The following OTUD7A variants were observed in gnomAD, a reference collection of about 807,000 sequenced individuals.
OTUD7A encodes OTU domain-containing protein 7A.
OTUD7A carries 12 observed loss-of-function variants against 65.7 expected under a neutral mutation model. The ratio of observed to expected loss-of-function variants is 0.18; its 90% confidence interval spans 0.12 to 0.30. The LOEUF (loss-of-function observed/expected upper bound fraction) is 0.30. Among genes scored for constraint, OTUD7A ranks in the 10% least tolerant of loss-of-function variants. The pLI is 1.00. For missense variants in OTUD7A, 1,148 were observed against 1,304.8 expected (o/e 0.88, Z 1.85); for synonymous variants, 641 against 586.3 (o/e 1.09, Z -1.35).
chr15:31,847,006 T>C (rs1007039754), intron 1 of OTUD7A, among the ~76,000 whole-genome samples: 6 of 152,134 alleles, frequency 3.9e-5, no homozygotes, highest in African/African-American at 1.4e-4. Context: ...TGTTCCCTGC[T>C]AGGCAGGGCA....
intron 1 of OTUD7A, among the ~76,000 whole-genome samples, chr15:31,812,081 C>T (rs1043040558): frequency 1.3e-5 from 2 of 152,212 alleles, no homozygotes; most frequent in Non-Finnish European, 2.9e-5. Flanking sequence ...GTGGAAGCAG[C>T]AGGGGTTGAG....
At chr15:31,497,636 G>T (rs778962087) in intron 10 of OTUD7A, among the ~76,000 whole-genome samples, 2 of 152,054 alleles carry the variant, frequency 1.3e-5, no homozygotes, top group Non-Finnish European at 2.9e-5. Context: ...TACCCTCTTC[G>T]ACCCTGAAGG....
At chr15:31,659,186 TGGAGAATGAGACTG>T in intron 1 of OTUD7A, among the ~76,000 whole-genome samples, 1 of 152,302 alleles carries the variant, frequency 6.6e-6, no homozygotes, top group Non-Finnish European at 1.5e-5. Context: ...AACGGGTAGA[TGGAGAATGAGACTG>T]GGAGATGATG....
Position 31,558,908 on chromosome 15 carries a change from T to G in OTUD7A, c.550+61A>C, listed in dbSNP as rs2141157543. 1.9e-6 allele frequency: 3 copies of G among 1,556,484 alleles called. No homozygotes were observed. The African/African-American group carries it at 4.1e-5, about 21-fold the overall frequency. ...CCCTTCTCTTGCTCATAGAGTAGGTTAGGCCAGCTCACCATTCACCAAGCC... is the reference window on the plus strand; with the variant it reads ...CCCTTCTCTTGCTCATAGAGTAGGTGAGGCCAGCTCACCATTCACCAAGCC... On this transcript the variant is annotated intron_variant, in intron 5 of 12. Coordinates refer to ENST00000307050, the MANE Select transcript of OTUD7A (RefSeq NM_001382637.1).
chr15:31,682,828 TTC>T (rs1892748966), intron 1 of OTUD7A, among the ~76,000 whole-genome samples: 1 of 152,230 alleles, frequency 6.6e-6, no homozygotes, highest in South Asian at 2.1e-4. Context: ...TATTTGTGAC[TTC>T]TGTGTGCATG....
At chr15:31,553,591 C>T (rs1888396036) in intron 5 of OTUD7A, among the ~76,000 whole-genome samples, 1 of 152,044 alleles carries the variant, frequency 6.6e-6, no homozygotes, top group Non-Finnish European at 1.5e-5. Context: ...GCCCTTCCTC[C>T]AGGGGTCTGC....
At chr15:31,656,090 T>C in intron 2 of OTUD7A, among the ~76,000 whole-genome samples, 1 of 152,154 alleles carries the variant, frequency 6.6e-6, no homozygotes, top group Non-Finnish European at 1.5e-5. Context: ...AGAGCTGCCA[T>C]CAATCCAACA....
intron 3 of OTUD7A, among the ~76,000 whole-genome samples, chr15:31,647,749 C>T (rs537787798): frequency 6.6e-6 from 1 of 152,144 alleles, no homozygotes; most frequent in East Asian, 1.9e-4. Flanking sequence ...ATTAATAGAT[C>T]ACTCTACTGA....
At chr15:31,610,881 G>A (rs889183920) in intron 3 of OTUD7A, among the ~76,000 whole-genome samples, 5 of 150,970 alleles carry the variant, frequency 3.3e-5, no homozygotes, top group East Asian at 1.9e-4. Flanking sequence ...TGCCTGCCTC[G>A]GACTCCCAAA....
chr15:31,526,476 C>T lies in OTUD7A; in HGVS notation c.781-15G>A. Reference sequence around the variant, plus strand: ...ACCAGCCCTGACTGGCAGAGGGGAGCCGGCTCAGAAGGGGGGTGGGCCACA... The same window carrying T: ...ACCAGCCCTGACTGGCAGAGGGGAGTCGGCTCAGAAGGGGGGTGGGCCACA... On this transcript the variant is annotated splice_polypyrimidine_tract_variant and intron_variant, in intron 7 of 12. Coordinates refer to ENST00000307050, the MANE Select transcript of OTUD7A (RefSeq NM_001382637.1). The T allele has an allele frequency of 6.4e-7, 1 of 1,556,572 alleles. No individual in the cohort carries two copies. Among genetic ancestry groups the T allele is most frequent in the Non-Finnish European group, 8.7e-7 (1 of 1,154,980 alleles).
At chr15:31,558,805 T>C (rs1189461117) in intron 5 of OTUD7A, 164 bp downstream of exon 5, 11 of 737,952 alleles carry the variant, frequency 1.5e-5, no homozygotes, top group Middle Eastern at 2.5e-4. Context: ...GCTAGAACAC[T>C]GTCGGCCCGT....
intron 1 of OTUD7A, among the ~76,000 whole-genome samples, chr15:31,821,874 T>C (rs939131607): frequency 6.6e-6 from 1 of 152,356 alleles, no homozygotes; most frequent in East Asian, 1.9e-4. Context: ...TGATGTTGAC[T>C]ATCCTTTCAT....
rs398026753 is a variant in OTUD7A, at chr15:31,564,387, G to GT, written c.332-5201dup. On this transcript the variant is annotated intron_variant, in intron 4 of 12. Coordinates refer to ENST00000307050, the MANE Select transcript of OTUD7A (RefSeq NM_001382637.1). ...TTTTTGGAAGTAGTCTTTGAGGAAG[G>GT]TTTTTTTTTTTTTAGCAAAAGAGAA... Among the ~76,000 whole-genome samples, 487 of 119,764 alleles carry GT rather than the reference G, an allele frequency of 4.1e-3. 23 individuals carry two copies. The highest frequency in any genetic ancestry group is 0.019 in the Middle Eastern group (4 of 206). The allele number at this position is 119,764 out of a possible 152,430, so 78.6% of individuals were successfully genotyped here.
At chr15:31,510,342 GTGCCTGGC>G (rs2041666658) in intron 8 of OTUD7A, among the ~76,000 whole-genome samples, 1 of 150,788 alleles carries the variant, frequency 6.6e-6, no homozygotes, top group African/African-American at 2.4e-5. Flanking sequence ...AATTTTTGGT[GTGCCTGGC>G]TGTCTGGCGT....
rs192745656 is a variant in OTUD7A, at chr15:31,688,185, C to T, written c.-99-31108G>A. Among the ~76,000 whole-genome samples the T allele has an allele frequency of 4.1e-5, 6 of 146,734 alleles. No individual in the cohort carries two copies. The East Asian group carries it at 1.2e-3, about 29-fold the overall frequency. ...GAGCCGAGATCGTGCCACTGCACTC[C>T]AGCCTGGCGACAGAGCGAGACTCCA... On this transcript the variant is annotated intron_variant, in intron 1 of 12. Coordinates refer to ENST00000307050, the MANE Select transcript of OTUD7A (RefSeq NM_001382637.1).
At chr15:31,568,552 G>A (rs192098470) in intron 4 of OTUD7A, among the ~76,000 whole-genome samples, 4 of 152,330 alleles carry the variant, frequency 2.6e-5, no homozygotes, top group African/African-American at 9.6e-5. Flanking sequence ...CTGTTGGGAA[G>A]GCATGATTGT....
chr15:31,780,953 T>C (rs531200526), intron 1 of OTUD7A, among the ~76,000 whole-genome samples: 1 of 152,362 alleles, frequency 6.6e-6, no homozygotes, highest in South Asian at 2.1e-4. Context: ...TGAGCAGTTA[T>C]ATTTTGTATG....
In OTUD7A at chr15:31,484,544, C is replaced by T; in HGVS notation, c.1552G>A (p.Asp518Asn). Residue 518 changes from aspartate to asparagine, a missense_variant, in exon 13 of 13, where the codon GAC becomes AAC. Physicochemically the swap from Asp to Asn is conservative, Grantham distance 23 (BLOSUM62 1). This residue lies in a region of OTUD7A where 842 missense variants were observed against 769.5 expected (regional missense o/e 1.09). Transcript: ENST00000307050. This position sits in a 1 kb window ranked among gnomAD's most constrained non-coding sequence, Gnocchi z 4.5. ...CTGCCCAGCTTGTTGGCCACGGAGT[C>T]GGCGCGCGTCTTGTCCTTCTCCTTG... ...QRKEKDKTRA[D>N]SVANKLGSFS... The T allele has an allele frequency of 6.2e-7, 1 of 1,611,350 alleles. No homozygotes were observed. The highest frequency in any genetic ancestry group is 8.5e-7 in the Non-Finnish European group (1 of 1,179,952).
chr15:31,621,191 G>C (rs542433723), intron 3 of OTUD7A, among the ~76,000 whole-genome samples: 2 of 151,842 alleles, frequency 1.3e-5, no homozygotes, highest in Non-Finnish European at 2.9e-5. Context: ...TTCCAATTAC[G>C]TGGTCAATTT....
Sources: allele counts gnomAD v4.1 joint callset (sites outside exome capture counted in the v4.1 genomes callset), GRCh38; gene constraint gnomAD v4.1.1; regional missense constraint gnomAD v4.1.1; non-coding constraint Gnocchi (gnomAD v3.1); transcripts MANE v1.5; gene names NCBI Gene and HGNC (gene_info 2026-07-23, HGNC 2026-07-21).